LBR: variants seen among roughly 807,000 people sequenced by gnomAD.
The protein encoded by LBR is delta(14)-sterol reductase LBR.
Under a neutral mutation model 74.3 loss-of-function variants are expected in LBR, and 28 were observed. The observed-to-expected ratio is 0.38, with a 90% CI of 0.28 to 0.52. LBR has a LOEUF of 0.52. LBR is among the 20% of genes least tolerant of loss of function. LBR has a pLI of 0.89. For synonymous variants in LBR, 228 were observed against 269.3 expected (o/e 0.85, Z 1.50); for missense variants, 717 against 760.3 (o/e 0.94, Z 0.67).
At position 225,412,629 on chromosome 1, in the gene LBR, G is replaced by C; in HGVS notation, c.909C>G (p.Ile303Met). The C allele has an allele frequency of 6.3e-7, 1 of 1,595,714 alleles. No homozygotes were observed. The highest frequency in any genetic ancestry group is 8.6e-7 in the Non-Finnish European group (1 of 1,168,856). Residue 303 changes from isoleucine to methionine, a missense_variant, in exon 8 of 14, where the codon ATC becomes ATG. Transcript: ENST00000272163. ...ATGTTCCGATGACTGCAGATGTCAGGATAAAAGCATAGAATCCTTTAAAAA... is the reference window on the plus strand; with the variant it reads ...ATGTTCCGATGACTGCAGATGTCAGCATAAAAGCATAGAATCCTTTAAAAA... ...KYRLNGFYAF[I>M]LTSAVIGTSL... is the part of the protein sequence containing the mutation.
In LBR at chr1:225,409,444, T is replaced by C. The variant is rs553337308; in HGVS notation, c.1314+847A>G. Among the ~76,000 whole-genome samples, 17 of 152,332 alleles carry C rather than the reference T, an allele frequency of 1.1e-4. No homozygotes were observed. In the East Asian group the frequency reaches 1.7e-3, roughly 16 times the overall value. On this transcript the variant is annotated intron_variant, in intron 10 of 13. Transcript: ENST00000272163. ...GCAGGGGTGGGGGAGATACATAGTA[T>C]TGATGACCAAATAATATAATTTTTT... is the stretch of plus-strand genomic sequence containing the variant.
At chr1:225,410,845 A>G (rs1387713883) in intron 9 of LBR, among the ~76,000 whole-genome samples, 1 of 152,246 alleles carries the variant, frequency 6.6e-6, no homozygotes, top group Non-Finnish European at 1.5e-5. Context: ...ACAACAGCGG[A>G]AAAACTGGTG....
Position 225,417,978 on chromosome 1 carries a change from A to T in LBR, c.837+6T>A. On this transcript the variant is annotated splice_donor_region_variant and intron_variant, in intron 6 of 13. Transcript: ENST00000272163. ...TTAAAACAAAACAGAATTACCATAAACGTACCTTTCCAATTGGCAGTAGGT... is the reference window on the plus strand; with the variant it reads ...TTAAAACAAAACAGAATTACCATAATCGTACCTTTCCAATTGGCAGTAGGT... 2 of 1,613,234 alleles carry T rather than the reference A, an allele frequency of 1.2e-6. No homozygotes were observed.
At position 225,403,216 on chromosome 1, in the gene LBR, A is replaced by C; in HGVS notation, c.*87T>G. ...AAAAAGTACAGACCCTGTCAGTGCA[A>C]CAAAAGAAAGTTTCGGATTTTTTTC... On this transcript the variant is annotated 3_prime_UTR_variant, in exon 14 of 14. Coordinates refer to ENST00000272163, the MANE Select transcript of LBR (RefSeq NM_002296.4). The C allele has an allele frequency of 7.4e-7, 1 of 1,347,138 alleles. No individual in the cohort carries two copies. Among genetic ancestry groups the C allele is most frequent in the South Asian group, 1.2e-5 (1 of 85,492 alleles). The allele number at this position is 1,347,138 out of a possible 1,614,324, so 83.4% of individuals were successfully genotyped here. A position where few individuals can be genotyped will look rare whatever the true frequency, so the allele number is the denominator to read the frequency against.
chr1:225,426,493 C>T (rs1250714813), intron 1 of LBR, among the ~76,000 whole-genome samples: 14 of 152,206 alleles, frequency 9.2e-5, no homozygotes, highest in Non-Finnish European at 1.5e-5. Context: ...AGGTTTTTCT[C>T]TATTAAGCCA....
At chr1:225,427,272 C>CA (rs945257012) in intron 1 of LBR, 11 of 152,244 alleles carry the variant, frequency 7.2e-5, no homozygotes, top group African/African-American at 2.7e-4. Flanking sequence ...TCTGAACCCT[C>CA]AAAAAGGTGA....
intron 10 of LBR, 152 bp from the exon 11 acceptor site, chr1:225,406,984 G>A: frequency 1.4e-6 from 1 of 717,160 alleles, no homozygotes; most frequent in Non-Finnish European, 2.5e-6. Context: ...TGGTTCCCCT[G>A]GCCTGCTAGG....
chr1:225,401,534 T>A lies in LBR; in HGVS notation c.*1769A>T, dbSNP rs756081622. 6 of 151,880 alleles carry A rather than the reference T, an allele frequency of 4.0e-5. No homozygotes were observed. Among genetic ancestry groups the A allele is most frequent in the Non-Finnish European group, 7.4e-5 (5 of 67,960 alleles). 9.4% of individuals were successfully genotyped at this position (151,880 alleles called of 1,614,324 possible). ...AATGTTGCTACATTTTATTTTCAAC[T>A]TAAAACTTCATTATAAAATTTGCCA... On this transcript the variant is annotated 3_prime_UTR_variant, in exon 14 of 14. Transcript: ENST00000272163.
chr1:225,408,587 T>C (rs1272576886), intron 10 of LBR, among the ~76,000 whole-genome samples: 1 of 152,244 alleles, frequency 6.6e-6, no homozygotes, highest in Non-Finnish European at 1.5e-5. Context: ...CAGAGGGATT[T>C]CTATCAAGTG....
intron 7 of LBR, among the ~76,000 whole-genome samples, chr1:225,413,072 C>T (rs2096109543): frequency 1.3e-5 from 2 of 152,218 alleles, no homozygotes; most frequent in South Asian, 4.1e-4. Context: ...GGTCAGGCAC[C>T]GAGCCAGGTT....
At chr1:225,425,949 T>C (rs1009089146) in intron 1 of LBR, among the ~76,000 whole-genome samples, 2 of 152,364 alleles carry the variant, frequency 1.3e-5, no homozygotes, top group Admixed American at 1.3e-4. Context: ...CATCTTTCCA[T>C]TGCACTTACA....
chr1:225,412,891 T>C (rs576939246), intron 7 of LBR, among the ~76,000 whole-genome samples: 1 of 152,306 alleles, frequency 6.6e-6, no homozygotes, highest in South Asian at 2.1e-4. Flanking sequence ...CAAATGGTCA[T>C]TATTTGCTTT....
rs200998506 is a variant in LBR at position 225,411,333 on chromosome 1, A to G, written c.1188+4T>C. The G allele has an allele frequency of 1.2e-4, 197 of 1,601,096 alleles. No homozygotes were observed. In the Middle Eastern group the frequency reaches 3.1e-3, roughly 26 times the overall value. On this transcript the variant is annotated splice_donor_region_variant and intron_variant, in intron 9 of 13. Coordinates refer to ENST00000272163, the MANE Select transcript of LBR (RefSeq NM_002296.4). Reference sequence around the variant, plus strand: ...AAATTTAGAAGAAAAAAAACCAGACATACCCATCCAATCAATCCGGGGCGC... The same window carrying G: ...AAATTTAGAAGAAAAAAAACCAGACGTACCCATCCAATCAATCCGGGGCGC...
At chr1:225,405,129 T>A (rs1485854296) in intron 11 of LBR, among the ~76,000 whole-genome samples, 1 of 152,228 alleles carries the variant, frequency 6.6e-6, no homozygotes, top group African/African-American at 2.4e-5. Flanking sequence ...CTGTTAGTTA[T>A]ACCTACTGGC....
In LBR at chr1:225,402,967, A is replaced by C; in HGVS notation, c.*336T>G. The C allele has an allele frequency of 4.9e-6, 1 of 205,158 alleles. No homozygotes were observed. Among genetic ancestry groups the C allele is most frequent in the East Asian group, 1.2e-4 (1 of 8,186 alleles). 12.7% of individuals were successfully genotyped at this position (205,158 alleles called of 1,614,324 possible). On this transcript the variant is annotated 3_prime_UTR_variant, in exon 14 of 14. Coordinates refer to ENST00000272163, the MANE Select transcript of LBR (RefSeq NM_002296.4). ...ACTGGCAAAAAAACATCAAAATTTG[A>C]AAAGTAATCAGAAACCATAAACATC...
At chr1:225,419,497 C>G in intron 4 of LBR, 45 bp from the exon 5 acceptor site, 1 of 1,321,116 alleles carries the variant, frequency 7.6e-7, no homozygotes, top group Non-Finnish European at 1.1e-6. Flanking sequence ...TGAACAATTA[C>G]CATTAATGCT....
At chr1:225,421,385 C>T (rs966775225) in intron 3 of LBR, among the ~76,000 whole-genome samples, 1 of 152,132 alleles carries the variant, frequency 6.6e-6, no homozygotes, top group South Asian at 2.1e-4. Flanking sequence ...CCCAGCTACT[C>T]GGTAGGCTGA....
chr1:225,421,835 T>C (rs1042521260), intron 3 of LBR, among the ~76,000 whole-genome samples: 1 of 152,234 alleles, frequency 6.6e-6, no homozygotes, highest in African/African-American at 2.4e-5. Context: ...TATTTCAAAT[T>C]TGAACGCTGC....
At chr1:225,419,231 C>T in intron 5 of LBR, 32 bp downstream of exon 5, 1 of 1,608,998 alleles carries the variant, frequency 6.2e-7, no homozygotes, top group Non-Finnish European at 8.5e-7. Flanking sequence ...CTCACCCCAC[C>T]TGCCCTCTCT....
Sources: allele counts gnomAD v4.1 joint callset (sites outside exome capture counted in the v4.1 genomes callset), GRCh38; gene constraint gnomAD v4.1.1; transcripts MANE v1.5; gene names NCBI Gene and HGNC (gene_info 2026-07-23, HGNC 2026-07-21).